ITK: variants seen among roughly 807,000 people sequenced by gnomAD.
The protein encoded by ITK is tyrosine-protein kinase ITK/TSK.
ITK carries 45 observed loss-of-function variants against 87.6 expected under a neutral mutation model. The ratio of observed to expected loss-of-function variants is 0.51; its 90% CI spans 0.40 to 0.66. The LOEUF is 0.66. Among genes scored for constraint, ITK ranks in the 30% least tolerant of loss-of-function variants. ITK has a pLI of 0.00. For missense variants in ITK, 605 were observed against 766.3 expected (o/e 0.79, Z 2.48); for synonymous variants, 303 against 273.6 (o/e 1.11, Z -1.06).
At chr5:157,227,327 G>T (rs1256188914) in intron 6 of ITK, among the ~76,000 whole-genome samples, 1 of 152,182 alleles carries the variant, frequency 6.6e-6, no homozygotes, top group East Asian at 1.9e-4. Flanking sequence ...CAAATGTAAA[G>T]AAGTTTGATA....
At chr5:157,237,769 G>A (rs774063432) in intron 8 of ITK, among the ~76,000 whole-genome samples, 4 of 152,148 alleles carry the variant, frequency 2.6e-5, no homozygotes, top group Non-Finnish European at 4.4e-5. Flanking sequence ...TGTCATTGGC[G>A]GTTAAGGATA....
At chr5:157,185,612 T>C (rs564792827) in intron 1 of ITK, among the ~76,000 whole-genome samples, 30 of 150,458 alleles carry the variant, frequency 2.0e-4, no homozygotes, top group African/African-American at 7.1e-4. Flanking sequence ...TTGGGAGGCC[T>C]AGGTGGGCGG....
chr5:157,191,104 AG>A (rs1170640582), intron 1 of ITK, among the ~76,000 whole-genome samples: 1 of 151,776 alleles, frequency 6.6e-6, no homozygotes, highest in Non-Finnish European at 1.5e-5. Context: ...GTTGTTCTTC[AG>A]TTGTCTTATG....
chr5:157,244,505 C>G (rs933557092), intron 13 of ITK, 27 bp downstream of exon 13: 24 of 1,307,910 alleles, frequency 1.8e-5, no homozygotes, highest in Non-Finnish European at 2.7e-5. Context: ...TGAACACCCA[C>G]AGGTCCAGGG....
intron 1 of ITK, among the ~76,000 whole-genome samples, chr5:157,198,396 TA>T (rs1753893439): frequency 1.3e-5 from 2 of 152,324 alleles, no homozygotes; most frequent in South Asian, 2.1e-4. Flanking sequence ...TGGCAGGTTT[TA>T]AAGGAAGTGA....
chr5:157,241,760 AG>A, intron 11 of ITK, 40 bp downstream of exon 11: 4 of 1,485,598 alleles, frequency 2.7e-6, no homozygotes, highest in Non-Finnish European at 3.8e-6. Context: ...ATGTCCCTAA[AG>A]GTCTGGGGCA....
chr5:157,200,019 T>C (rs1171057361), intron 1 of ITK, among the ~76,000 whole-genome samples: 1 of 150,778 alleles, frequency 6.6e-6, no homozygotes, highest in Non-Finnish European at 1.5e-5. Context: ...GTGAGATCTA[T>C]TGAAAGTCAG....
chr5:157,245,899 G>A lies in ITK; in HGVS notation c.1533G>A (p.Gln511=), dbSNP rs771825585. Residue 511 remains glutamine (Q), a synonymous_variant, in exon 15 of 17, where the codon CAG becomes CAA. Coordinates refer to ENST00000422843, the MANE Select transcript of ITK (RefSeq NM_005546.4). The part of the protein sequence containing the change: ...FGMTRFVLDD[Q]YTSSTGTKFP... ...TTCCCAGGTTCGTTCTGGATGATCAGTACACCAGTTCCACAGGCACCAAAT... is the reference window on the plus strand; with the variant it reads ...TTCCCAGGTTCGTTCTGGATGATCAATACACCAGTTCCACAGGCACCAAAT... 1.9e-6 allele frequency: 3 copies of A among 1,614,100 alleles called. No individual in the cohort carries two copies. Among genetic ancestry groups the A allele is most frequent in the Non-Finnish European group, 1.7e-6 (2 of 1,179,930 alleles).
rs760650238 is a variant in ITK, at chr5:157,222,864, G to A, written c.497G>A (p.Arg166Gln). 13 of 1,613,704 alleles carry A rather than the reference G, an allele frequency of 8.1e-6. No homozygotes were observed. The highest frequency in any genetic ancestry group is 5.5e-5 in the South Asian group (5 of 91,040). Reference sequence around the variant, plus strand: ...GGTTTTGTTGTCTCTCTTCCCCAGCGACCACTTTGGGAACCTGAAGAAACT... The same window carrying A: ...GGTTTTGTTGTCTCTCTTCCCCAGCAACCACTTTGGGAACCTGAAGAAACT... ...PLPPTPEDNR[R>Q]PLWEPEETVV... Residue 166 changes from arginine to glutamine, a missense_variant and splice_region_variant, in exon 6 of 17, where the codon CGA becomes CAA. Coordinates refer to ENST00000422843, the MANE Select transcript of ITK (RefSeq NM_005546.4).
rs1755221671 is a variant in ITK at position 157,254,939 on chromosome 5, C to A, written c.*2261C>A. Reference sequence around the variant, plus strand: ...CTTCTCACATTTTTTAAATGGTCCCCTGTGTTTGTAGAGAACTCCCTTATA... The same window carrying A: ...CTTCTCACATTTTTTAAATGGTCCCATGTGTTTGTAGAGAACTCCCTTATA... On this transcript the variant is annotated 3_prime_UTR_variant, in exon 17 of 17. Coordinates refer to ENST00000422843, the MANE Select transcript of ITK (RefSeq NM_005546.4). 4.7e-6 allele frequency: 1 copy of A among 214,536 alleles called. No individual in the cohort carries two copies. Among genetic ancestry groups the A allele is most frequent in the Non-Finnish European group, 9.4e-6 (1 of 106,254 alleles). The allele number at this position is 214,536 out of a possible 1,614,324, so 13.3% of individuals were successfully genotyped here.
In ITK at chr5:157,252,917, C is replaced by T. The variant is rs1755172398; in HGVS notation, c.*239C>T. The T allele has an allele frequency of 1.8e-6, 1 of 565,852 alleles. No homozygotes were observed. Among genetic ancestry groups the T allele is most frequent in the East Asian group, 3.0e-5 (1 of 33,208 alleles). 35.1% of individuals were successfully genotyped at this position (565,852 alleles called of 1,614,324 possible). On this transcript the variant is annotated 3_prime_UTR_variant, in exon 17 of 17. Coordinates refer to ENST00000422843, the MANE Select transcript of ITK (RefSeq NM_005546.4). ...AGCCAGAACAGGAGTGATGTCTCTG[C>T]CCTTCCTCTAGCCTCTTGTCACATG... is the stretch of plus-strand genomic sequence containing the variant.
chr5:157,252,334 A>G (rs1272634574), intron 16 of ITK, among the ~76,000 whole-genome samples: 1 of 152,164 alleles, frequency 6.6e-6, no homozygotes, highest in East Asian at 1.9e-4. Context: ...TATTATCTCC[A>G]TTTTACAAAT....
At chr5:157,190,183 T>C (rs1753725824) in intron 1 of ITK, among the ~76,000 whole-genome samples, 1 of 152,214 alleles carries the variant, frequency 6.6e-6, no homozygotes. Flanking sequence ...TATTTGTAAG[T>C]AGGCTTCTCA....
chr5:157,241,564 A>T, intron 10 of ITK, 82 bp from the exon 11 acceptor site: 3 of 955,662 alleles, frequency 3.1e-6, no homozygotes, highest in South Asian at 2.6e-5. Context: ...GATGATGATT[A>T]TTATTTTTTT....
At chr5:157,200,660 G>T (rs950927355) in intron 1 of ITK, among the ~76,000 whole-genome samples, 4 of 152,156 alleles carry the variant, frequency 2.6e-5, no homozygotes, top group Non-Finnish European at 5.9e-5. Flanking sequence ...TGTGGTGGTG[G>T]ATCCCAAGCA....
At chr5:157,221,762 A>C (rs1300846039) in intron 5 of ITK, among the ~76,000 whole-genome samples, 2 of 152,150 alleles carry the variant, frequency 1.3e-5, no homozygotes, top group African/African-American at 4.8e-5. Context: ...TCCTCCCTCC[A>C]TAAGCTCTTA....
rs1442068471 is a variant in ITK at position 157,180,866 on chromosome 5, C to G, written c.-112C>G. The stretch of plus-strand genomic sequence containing the variant: ...ACGTTGAAGGCAAGTTGCCCTTGAG[C>G]AGCTCTCTGAAGATCAACTGCCTCC... On this transcript the variant is annotated 5_prime_UTR_variant, in exon 1 of 17. Coordinates refer to ENST00000422843, the MANE Select transcript of ITK (RefSeq NM_005546.4). 3 of 1,019,260 alleles carry G rather than the reference C, an allele frequency of 2.9e-6. No individual in the cohort carries two copies. In the East Asian group the frequency reaches 7.3e-5, roughly 25 times the overall value. 63.1% of individuals were successfully genotyped at this position (1,019,260 alleles called of 1,614,324 possible).
chr5:157,228,409 CCTT>C (rs770553948), intron 7 of ITK, 48 bp downstream of exon 7: 26 of 1,106,466 alleles, frequency 2.3e-5, no homozygotes, highest in Admixed American at 1.7e-5. Flanking sequence ...AAGGAATCCT[CCTT>C]AAGTTAGGAA....
At chr5:157,209,792 A>G (rs1754151564) in intron 2 of ITK, among the ~76,000 whole-genome samples, 1 of 152,194 alleles carries the variant, frequency 6.6e-6, no homozygotes, top group South Asian at 2.1e-4. Flanking sequence ...GTTCACATTT[A>G]AATGTATTAA....
Sources: gnomAD v4.1 joint callset for allele counts (sites outside exome capture counted in the v4.1 genomes callset) on GRCh38, gnomAD v4.1.1 for gene constraint, MANE v1.5 for transcripts, NCBI Gene and HGNC (gene_info 2026-07-23, HGNC 2026-07-21) for gene names.